Variants in ASCC3 observed in about 807,000 individuals in gnomAD.
ASCC3 encodes ASC-1 complex subunit P200.
ASCC3 carries 158 observed loss-of-function variants against 256.3 expected under a neutral mutation model. The ratio of observed to expected loss-of-function variants is 0.62; its 90% confidence interval spans 0.54 to 0.70. The LOEUF is 0.70. ASCC3 is among the 30% of genes least tolerant of loss of function. ASCC3 has a pLI of 0.00. For missense variants in ASCC3, 2,259 were observed against 2,626.0 expected, an observed-to-expected ratio of 0.86 and a Z score of 3.05; for synonymous variants, 948 against 883.4, an observed-to-expected ratio of 1.07 and a Z score of -1.30.
chr6:100,552,142 A>G (rs546324603), intron 36 of ASCC3, among the ~76,000 whole-genome samples: 38 of 151,294 alleles, frequency 2.5e-4, no homozygotes, highest in African/African-American at 9.2e-4. Flanking sequence ...TAGAAATAAT[A>G]ATAATAAAAA....
chr6:100,832,345 T>C (rs904218052), intron 4 of ASCC3, among the ~76,000 whole-genome samples: 12 of 152,132 alleles, frequency 7.9e-5, no homozygotes, highest in African/African-American at 2.9e-4. Context: ...GCCAACAAAC[T>C]ATTATTATTC....
chr6:100,742,470 A>G (rs1780482257), intron 10 of ASCC3, among the ~76,000 whole-genome samples: 1 of 152,062 alleles, frequency 6.6e-6, no homozygotes, highest in Admixed American at 6.5e-5. Flanking sequence ...AGGCTGGAAC[A>G]GCTGAATTGA....
intron 25 of ASCC3, among the ~76,000 whole-genome samples, chr6:100,634,484 G>A (rs926429427): frequency 2.6e-5 from 4 of 151,950 alleles, no homozygotes; most frequent in African/African-American, 9.7e-5. Context: ...AGGATAAGCG[G>A]GGACTAAATA....
chr6:100,868,796 C>A (rs1773602529), intron 1 of ASCC3, among the ~76,000 whole-genome samples: 1 of 152,122 alleles, frequency 6.6e-6, no homozygotes, highest in Non-Finnish European at 1.5e-5. Context: ...GACTGGACAA[C>A]AGGCCAGAAA....
At chr6:100,595,022 G>A (rs780492782) in intron 34 of ASCC3, among the ~76,000 whole-genome samples, 24 of 151,972 alleles carry the variant, frequency 1.6e-4, no homozygotes, top group Non-Finnish European at 2.9e-4. Context: ...TAGAGGGTAG[G>A]ATGTCAGTTA....
At chr6:100,623,639 T>C (rs1479420176) in intron 30 of ASCC3, among the ~76,000 whole-genome samples, 2 of 151,998 alleles carry the variant, frequency 1.3e-5, no homozygotes, top group Non-Finnish European at 2.9e-5. Context: ...CTGAAGAGGG[T>C]TGGTGGAGAG....
chr6:100,817,972 CTCTTA>C (rs1770834756), intron 4 of ASCC3, among the ~76,000 whole-genome samples: 1 of 152,102 alleles, frequency 6.6e-6, no homozygotes, highest in Non-Finnish European at 1.5e-5. Context: ...AGAGCAATAT[CTCTTA>C]GGAATATGAA....
chr6:100,754,809 T>C (rs1185786360), intron 10 of ASCC3, among the ~76,000 whole-genome samples: 1 of 152,112 alleles, frequency 6.6e-6, no homozygotes, highest in Non-Finnish European at 1.5e-5. Context: ...AACTGAATCA[T>C]GGAAGTGGAT....
At chr6:100,618,569 G>C (rs1773783471) in intron 30 of ASCC3, among the ~76,000 whole-genome samples, 1 of 152,166 alleles carries the variant, frequency 6.6e-6, no homozygotes, top group Admixed American at 6.5e-5. Context: ...TAAAAGAGAT[G>C]AAAATTATGC....
At chr6:100,562,666 GT>G (rs200289380) in intron 36 of ASCC3, among the ~76,000 whole-genome samples, 1 of 151,132 alleles carries the variant, frequency 6.6e-6, no homozygotes, top group Admixed American at 6.6e-5. Flanking sequence ...AAGTTTTCTA[GT>G]TTTTTTTTCT....
chr6:100,547,626 T>C (rs1224568264), intron 36 of ASCC3, among the ~76,000 whole-genome samples: 1 of 152,026 alleles, frequency 6.6e-6, no homozygotes, highest in African/African-American at 2.4e-5. Flanking sequence ...AAAATTAAAA[T>C]AACTGTGACA....
At chr6:100,527,543 C>G (rs564904080) in intron 37 of ASCC3, among the ~76,000 whole-genome samples, 1 of 152,270 alleles carries the variant, frequency 6.6e-6, no homozygotes, top group Non-Finnish European at 1.5e-5. Context: ...TTCTTTAATA[C>G]ATCACCAACC....
At position 100,655,791 on chromosome 6, in the gene ASCC3, C is replaced by T; in HGVS notation, c.2731G>A (p.Glu911Lys). The T allele has an allele frequency of 1.2e-6, 2 of 1,611,558 alleles. No homozygotes were observed. The highest frequency in any genetic ancestry group is 4.5e-5 in the East Asian group (2 of 44,752). Residue 911 changes from glutamate to lysine, a missense_variant, in exon 17 of 42, where the codon GAA (glutamate) becomes AAA (lysine). Glu to Lys is a moderately conservative substitution (Grantham distance 56, BLOSUM62 1). Around this residue, in one of 2 missense-constraint regions of ASCC3, gnomAD observed 1,839 missense variants for 2,206.7 expected, o/e 0.83. Coordinates refer to ENST00000369162, the MANE Select transcript of ASCC3 (RefSeq NM_006828.4). Reference protein sequence around the residue: ...EIALGTVTNVEEAVKWISYTY... With the variant: ...EIALGTVTNVKEAVKWISYTY... ...TAACTTATCCACTTCACTGCTTCTT[C>T]CACATTAGTAACTGTTCCCAGAGCA... is the stretch of plus-strand genomic sequence containing the variant.
chr6:100,776,717 AT>A (rs1261941791), intron 8 of ASCC3, among the ~76,000 whole-genome samples: 1 of 151,992 alleles, frequency 6.6e-6, no homozygotes, highest in Non-Finnish European at 1.5e-5. Flanking sequence ...AACATACCTC[AT>A]TTTTTATAAT....
intron 14 of ASCC3, among the ~76,000 whole-genome samples, chr6:100,665,913 A>T (rs1464368380): frequency 6.6e-6 from 1 of 152,070 alleles, no homozygotes; most frequent in Non-Finnish European, 1.5e-5. Context: ...TGTAGCTACC[A>T]TCATAATCAA....
At chr6:100,851,642 T>C (rs1772674091) in intron 3 of ASCC3, among the ~76,000 whole-genome samples, 1 of 152,204 alleles carries the variant, frequency 6.6e-6, no homozygotes, top group Non-Finnish European at 1.5e-5. Context: ...TGCTGGGTTG[T>C]GGTGTTTCAT....
chr6:100,509,518 T>A lies in ASCC3; in HGVS notation c.6477A>T (p.Leu2159Phe). ...PEIPGRYIYT[L>F]YFMSDCYLGL... ...CAAGGTAGCAGTCACTCATGAAATA[T>A]AATGTGTAGATATACCTAAAATATA... The change falls in exon 42 of 42, where the codon TTA becomes TTT. Residue 2159 changes from leucine to phenylalanine, a missense_variant. By Grantham distance (22) the Leu-to-Phe change is conservative. Coordinates refer to ENST00000369162, the MANE Select transcript of ASCC3 (RefSeq NM_006828.4). 6.2e-7 allele frequency: 1 copy of A among 1,612,948 alleles called. No homozygotes were observed. The highest frequency in any genetic ancestry group is 8.5e-7 in the Non-Finnish European group (1 of 1,178,910).
At chr6:100,514,225 A>G (rs1265498731) in intron 39 of ASCC3, among the ~76,000 whole-genome samples, 5 of 152,160 alleles carry the variant, frequency 3.3e-5, no homozygotes, top group African/African-American at 7.2e-5. Flanking sequence ...TGGTACTTCA[A>G]TCTGTACAAC....
At position 100,848,280 on chromosome 6, in the gene ASCC3, C is replaced by G. The variant is rs774854627; in HGVS notation, c.669G>C (p.Leu223Phe). 6.2e-7 allele frequency: 1 copy of G among 1,614,086 alleles called. No individual in the cohort carries two copies. The highest frequency in any genetic ancestry group is 8.5e-7 in the Non-Finnish European group (1 of 1,180,000). Residue 223 changes from leucine (L) to phenylalanine (F), a missense_variant, in exon 4 of 42, where the codon TTG becomes TTC. Transcript: ENST00000369162. ...KPVEKTNGSF[L>F]WCEVEKYLNS... ...TTAGGTACTTTTCAACTTCACACCA[C>G]AAAAAGGAGCCATTTGTTTTTTCCA...
Sources: allele counts gnomAD v4.1 joint callset (sites outside exome capture counted in the v4.1 genomes callset), GRCh38; gene constraint gnomAD v4.1.1; regional missense constraint gnomAD v4.1.1; transcripts MANE v1.5; gene names NCBI Gene and HGNC (gene_info 2026-07-23, HGNC 2026-07-21).